The following MRPL1 variants were observed in gnomAD, a reference collection of about 807,000 sequenced individuals.
MRPL1 encodes the protein large ribosomal subunit protein uL1m.
A neutral mutation model predicts 38.0 loss-of-function variants in MRPL1; 28 were observed. The observed-to-expected ratio is 0.74, with a 90% CI of 0.55 to 1.01. MRPL1 has a LOEUF of 1.01. Among genes scored for constraint, MRPL1 ranks in the 50% least tolerant of loss-of-function variants. MRPL1 has a pLI of 0.00. For synonymous variants in MRPL1, 123 were observed against 126.7 expected (o/e 0.97, Z 0.20); for missense variants, 358 against 389.8 (o/e 0.92, Z 0.69).
At chr4:77,930,610 T>G (rs971023308) in intron 7 of MRPL1, among the ~76,000 whole-genome samples, 2 of 152,168 alleles carry the variant, frequency 1.3e-5, no homozygotes, top group Non-Finnish European at 2.9e-5. Flanking sequence ...GAGGCCATAA[T>G]AAATCAATTG....
At chr4:77,880,923 GA>G (rs975145624) in intron 2 of MRPL1, among the ~76,000 whole-genome samples, 3 of 152,156 alleles carry the variant, frequency 2.0e-5, no homozygotes, top group African/African-American at 7.2e-5. Context: ...GGTAAGCTGA[GA>G]ATCATCTCAT....
chr4:77,898,769 C>T (rs570609699), intron 6 of MRPL1, among the ~76,000 whole-genome samples: 2 of 152,124 alleles, frequency 1.3e-5, no homozygotes, highest in East Asian at 3.9e-4. Flanking sequence ...GCTGGGATTA[C>T]ATGCGTGAGC....
At chr4:77,919,702 G>A (rs1182986345) in intron 7 of MRPL1, among the ~76,000 whole-genome samples, 1 of 152,070 alleles carries the variant, frequency 6.6e-6, no homozygotes, top group South Asian at 2.1e-4. Flanking sequence ...AATTTAAAAT[G>A]TGTTTATTTG....
intron 5 of MRPL1, among the ~76,000 whole-genome samples, chr4:77,889,513 C>G (rs980098603): frequency 2.1e-4 from 32 of 152,040 alleles, no homozygotes; most frequent in African/African-American, 7.7e-4. Flanking sequence ...GCACTAAATG[C>G]CCACAAGAGA....
intron 7 of MRPL1, among the ~76,000 whole-genome samples, chr4:77,915,257 A>T (rs150648435): frequency 2.6e-5 from 4 of 152,330 alleles, no homozygotes; most frequent in Non-Finnish European, 5.9e-5. Flanking sequence ...AAATATGGTC[A>T]GTTGAATGAT....
intron 6 of MRPL1, among the ~76,000 whole-genome samples, chr4:77,896,175 G>GT (rs1368229510): frequency 3.3e-4 from 45 of 136,804 alleles, no homozygotes; most frequent in Non-Finnish European, 4.0e-4. Flanking sequence ...AGCCTTGAGG[G>GT]TTTTTTTTTT....
intron 2 of MRPL1, among the ~76,000 whole-genome samples, chr4:77,880,715 A>T (rs1172276531): frequency 6.6e-6 from 1 of 152,144 alleles, no homozygotes; most frequent in Non-Finnish European, 1.5e-5. Flanking sequence ...TTTTATCTTC[A>T]AATTCTTATC....
At chr4:77,900,437 A>G (rs1409388676) in intron 6 of MRPL1, among the ~76,000 whole-genome samples, 1 of 152,170 alleles carries the variant, frequency 6.6e-6, no homozygotes, top group Non-Finnish European at 1.5e-5. Flanking sequence ...GGAATGAGGG[A>G]CTGCTTTGTA....
chr4:77,905,098 G>C (rs372665341), intron 6 of MRPL1, among the ~76,000 whole-genome samples: 8 of 152,294 alleles, frequency 5.3e-5, no homozygotes, highest in Middle Eastern at 3.4e-3. Context: ...ACATAGCTCT[G>C]AACAAGAACC....
chr4:77,879,777 C>T lies in MRPL1; in HGVS notation c.144-3465C>T, dbSNP rs573028736. Among the ~76,000 whole-genome samples, 29 of 152,314 alleles carry T rather than the reference C, an allele frequency of 1.9e-4. No individual in the cohort carries two copies. In the South Asian group the frequency reaches 3.7e-3, roughly 20 times the overall value. On this transcript the variant is annotated intron_variant, in intron 2 of 8. Coordinates refer to ENST00000315567, the MANE Select transcript of MRPL1 (RefSeq NM_020236.4). ...TTCAGGATTTTGTGGAGTACTTCCA[C>T]GGTAGCTGTTGAGATGTGTTGTATG...
intron 1 of MRPL1, among the ~76,000 whole-genome samples, chr4:77,867,122 C>A (rs1412066231): frequency 6.6e-6 from 1 of 152,162 alleles, no homozygotes; most frequent in African/African-American, 2.4e-5. Context: ...CTGATACAAT[C>A]CCTTTTATCC....
chr4:77,875,363 A>G (rs1248330704), intron 2 of MRPL1, among the ~76,000 whole-genome samples: 1 of 152,098 alleles, frequency 6.6e-6, no homozygotes, highest in Non-Finnish European at 1.5e-5. Context: ...CTTGAAAGAT[A>G]GAATTTTGCA....
chr4:77,906,901 T>G, intron 6 of MRPL1: 1 of 929,166 alleles, frequency 1.1e-6, no homozygotes, highest in Non-Finnish European at 1.3e-6. Flanking sequence ...AAACTTAGTA[T>G]TTTTTAGTAA....
At chr4:77,926,109 A>G (rs954678360) in intron 7 of MRPL1, among the ~76,000 whole-genome samples, 8 of 152,220 alleles carry the variant, frequency 5.3e-5, no homozygotes, top group African/African-American at 1.7e-4. Context: ...TACCTCTGGA[A>G]CTGCATGTTA....
intron 7 of MRPL1, among the ~76,000 whole-genome samples, chr4:77,943,825 G>A (rs988532947): frequency 6.6e-6 from 1 of 151,686 alleles, no homozygotes; most frequent in African/African-American, 2.4e-5. Flanking sequence ...CCTTTCTCTG[G>A]TGCCTCCTTG....
chr4:77,895,899 A>G (rs1735901580), intron 6 of MRPL1, among the ~76,000 whole-genome samples: 1 of 152,148 alleles, frequency 6.6e-6, no homozygotes. Context: ...CATATTTTAA[A>G]AATTAAACCA....
At chr4:77,874,188 A>G (rs1031936259) in intron 2 of MRPL1, among the ~76,000 whole-genome samples, 1 of 152,000 alleles carries the variant, frequency 6.6e-6, no homozygotes, top group Non-Finnish European at 1.5e-5. Context: ...GGGTTTCACT[A>G]TGTTGGCCAG....
At chr4:77,900,591 G>A (rs1275319209) in intron 6 of MRPL1, among the ~76,000 whole-genome samples, 3 of 152,152 alleles carry the variant, frequency 2.0e-5, no homozygotes, top group African/African-American at 7.2e-5. Flanking sequence ...GAAATTATAA[G>A]CAGCTTTCTA....
At position 77,952,777 on chromosome 4, in the gene MRPL1, TTGTC is replaced by T. The variant is rs1737439791; in HGVS notation, c.*173_*176del. 3.7e-6 allele frequency: 2 copies of T among 543,084 alleles called. No homozygotes were observed. Among genetic ancestry groups the T allele is most frequent in the East Asian group, 3.3e-5 (1 of 30,664 alleles). 33.6% of individuals were successfully genotyped at this position (543,084 alleles called of 1,614,324 possible). A position where few individuals can be genotyped will look rare whatever the true frequency, so the allele number is the denominator to read the frequency against. ...AGAATAAGAAAATAAAATTTTCTCTTTGTCTGAACCTGCCTTTTAGACCCTGTGA... is the reference window on the plus strand; with the variant it reads ...AGAATAAGAAAATAAAATTTTCTCTTTGAACCTGCCTTTTAGACCCTGTGA... On this transcript the variant is annotated 3_prime_UTR_variant, in exon 9 of 9. Transcript: ENST00000315567.
Sources: allele counts gnomAD v4.1 joint callset (sites outside exome capture counted in the v4.1 genomes callset), GRCh38; gene constraint gnomAD v4.1.1; transcripts MANE v1.5; gene names NCBI Gene and HGNC (gene_info 2026-07-23, HGNC 2026-07-21).